CCDC167: variants seen among roughly 807,000 people sequenced by gnomAD.
CCDC167 encodes coiled-coil domain containing 167.
CCDC167 carries 15 observed loss-of-function variants against 12.7 expected under a neutral mutation model. The observed-to-expected ratio is 1.18, with a 90% CI of 0.79 to 1.81. CCDC167 has a LOEUF of 1.81. Among genes scored for constraint, CCDC167 ranks in the 40% most tolerant of loss-of-function variants. CCDC167 has a pLI of 0.00. For missense variants in CCDC167, 121 were observed against 120.1 expected, an observed-to-expected ratio of 1.01 and a Z score of -0.03; for synonymous variants, 52 against 49.0, an observed-to-expected ratio of 1.06 and a Z score of -0.26.
intron 1 of CCDC167, among the ~76,000 whole-genome samples, chr6:37,491,620 G>A (rs1218296823): frequency 1.3e-5 from 2 of 152,150 alleles, no homozygotes; most frequent in Non-Finnish European, 2.9e-5. Flanking sequence ...TAGCTGAGCC[G>A]AGCCAAGTCA....
At chr6:37,486,619 T>C (rs1266352982) in intron 1 of CCDC167, among the ~76,000 whole-genome samples, 1 of 152,112 alleles carries the variant, frequency 6.6e-6, no homozygotes, top group East Asian at 1.9e-4. Flanking sequence ...AGCAGGGCCC[T>C]GTGGGAGAGA....
In CCDC167 at chr6:37,483,044, G is replaced by C. The variant is rs1172994965; in HGVS notation, c.*142C>G. 1 of 745,086 alleles carries C rather than the reference G, an allele frequency of 1.3e-6. No homozygotes were observed. Among genetic ancestry groups the C allele is most frequent in the East Asian group, 2.7e-5 (1 of 36,586 alleles). The allele number at this position is 745,086 out of a possible 1,614,324, so 46.2% of individuals were successfully genotyped here. ...CAGCAGGCCAGGGAGGCAAGGCCTGGGCCGCCAGGAAGCCATGCTTGAACA... is the reference window on the plus strand; with the variant it reads ...CAGCAGGCCAGGGAGGCAAGGCCTGCGCCGCCAGGAAGCCATGCTTGAACA... On this transcript the variant is annotated 3_prime_UTR_variant, in exon 4 of 4. Coordinates refer to ENST00000373408, the MANE Select transcript of CCDC167 (RefSeq NM_138493.3).
chr6:37,483,200 A>G lies in CCDC167; in HGVS notation c.280T>C (p.Tyr94His), dbSNP rs775380039. 1 of 1,613,306 alleles carries G rather than the reference A, an allele frequency of 6.2e-7. No homozygotes were observed. Among genetic ancestry groups the G allele is most frequent in the Non-Finnish European group, 8.5e-7 (1 of 1,179,190 alleles). The stretch of plus-strand genomic sequence containing the variant: ...AAGTGCCAGGCTCACATGGTCCAGT[A>G]GGCATAGACGAGCGTCAGGAGGATA... ...IFILLTLVYA[Y>H]WTM The change falls in exon 4 of 4, where the codon TAC becomes CAC. Residue 94 changes from tyrosine to histidine, a missense_variant. By Grantham distance (83) the Tyr-to-His change is moderately conservative. Coordinates refer to ENST00000373408, the MANE Select transcript of CCDC167 (RefSeq NM_138493.3).
At chr6:37,493,993 C>T (rs1277911927) in intron 1 of CCDC167, among the ~76,000 whole-genome samples, 1 of 151,460 alleles carries the variant, frequency 6.6e-6, no homozygotes, top group Non-Finnish European at 1.5e-5. Context: ...CCTTCCGGTG[C>T]TCTTCCTGGC....
intron 1 of CCDC167, among the ~76,000 whole-genome samples, chr6:37,492,625 A>AC (rs1762037470): frequency 6.6e-6 from 1 of 152,230 alleles, no homozygotes; most frequent in Admixed American, 6.5e-5. Flanking sequence ...CCCCAGCAGT[A>AC]CCGAAGCCTT....
chr6:37,484,057 C>G (rs979106048), intron 3 of CCDC167, among the ~76,000 whole-genome samples: 1 of 152,208 alleles, frequency 6.6e-6, no homozygotes, highest in African/African-American at 2.4e-5. Flanking sequence ...TCTGGGCAGG[C>G]CAGACTGAGT....
chr6:37,499,802 A>AC lies in CCDC167; in HGVS notation c.42+19dup, dbSNP rs745783880. ...AGAAGGCAACTAACGAGGTGGCCCA[A>AC]CCCCCACTTTTCCCCTCACCTCTAG... On this transcript the variant is annotated intron_variant, in intron 1 of 3. Coordinates refer to ENST00000373408, the MANE Select transcript of CCDC167 (RefSeq NM_138493.3). The AC allele has an allele frequency of 6.2e-7, 1 of 1,612,950 alleles. No individual in the cohort carries two copies. Among genetic ancestry groups the AC allele is most frequent in the Non-Finnish European group, 8.5e-7 (1 of 1,179,556 alleles).
At chr6:37,483,369 A>G (rs1448809311) in intron 3 of CCDC167, 80 bp from the exon 4 acceptor site, 26 of 930,250 alleles carry the variant, frequency 2.8e-5, no homozygotes, top group Non-Finnish European at 4.4e-5. Flanking sequence ...ACGAGTGGGT[A>G]CACACTGCTG....
intron 3 of CCDC167, among the ~76,000 whole-genome samples, chr6:37,483,949 G>A (rs890089712): frequency 1.1e-4 from 17 of 152,322 alleles, no homozygotes; most frequent in Admixed American, 7.2e-4. Context: ...AAATTGAGTG[G>A]TGGTGTGGTT....
chr6:37,483,500 C>T (rs1055895943), intron 3 of CCDC167, among the ~76,000 whole-genome samples: 1 of 152,218 alleles, frequency 6.6e-6, no homozygotes, highest in Non-Finnish European at 1.5e-5. Flanking sequence ...GTCCCAACGC[C>T]CAGTGCTGCT....
chr6:37,483,854 AATC>A (rs1314644150), intron 3 of CCDC167, among the ~76,000 whole-genome samples: 9 of 152,132 alleles, frequency 5.9e-5, no homozygotes, highest in Non-Finnish European at 1.2e-4. Context: ...CTCTAGAGGA[AATC>A]AGTCCTGCTG....
At chr6:37,484,311 C>T (rs1403153221) in intron 3 of CCDC167, among the ~76,000 whole-genome samples, 9 of 152,234 alleles carry the variant, frequency 5.9e-5, no homozygotes, top group Admixed American at 5.9e-4. Flanking sequence ...AGCCTGCCAG[C>T]CGCCCTCTGG....
In CCDC167 at chr6:37,493,989, G is replaced by A. The variant is rs1000434788; in HGVS notation, c.42+5833C>T. On this transcript the variant is annotated intron_variant, in intron 1 of 3. Coordinates refer to ENST00000373408, the MANE Select transcript of CCDC167 (RefSeq NM_138493.3). ...AATAACCACAAGCGTCAAGCCTTCC[G>A]GTGCTCTTCCTGGCCTAGGCCATTC... 4.0e-5 allele frequency among the ~76,000 whole-genome samples: 6 copies of A among 151,576 alleles called. No homozygotes were observed. The East Asian group carries it at 7.8e-4, about 20-fold the overall frequency.
At chr6:37,485,975 G>T (rs1245461123) in intron 1 of CCDC167, among the ~76,000 whole-genome samples, 1 of 152,174 alleles carries the variant, frequency 6.6e-6, no homozygotes, top group Non-Finnish European at 1.5e-5. Context: ...ACTGGACTGG[G>T]TTGTCCAAAC....
chr6:37,486,462 C>A (rs981704779), intron 1 of CCDC167, among the ~76,000 whole-genome samples: 1 of 152,152 alleles, frequency 6.6e-6, no homozygotes, highest in Non-Finnish European at 1.5e-5. Flanking sequence ...TTCCAAGTCT[C>A]TGGGCCTTCT....
At chr6:37,489,185 G>A (rs1190396541) in intron 1 of CCDC167, among the ~76,000 whole-genome samples, 2 of 151,946 alleles carry the variant, frequency 1.3e-5, no homozygotes, top group South Asian at 2.1e-4. Context: ...GCAGTGAGCC[G>A]AGATGGCACC....
At chr6:37,497,533 TGGGGTCG>T (rs59580208) in intron 1 of CCDC167, among the ~76,000 whole-genome samples, 1 of 143,898 alleles carries the variant, frequency 6.9e-6, no homozygotes, top group Non-Finnish European at 1.5e-5. Context: ...GCCCTATGCT[TGGGGTCG>T]GGGGTCGGGG....
chr6:37,484,720 C>T, intron 3 of CCDC167, 90 bp downstream of exon 3: 1 of 1,489,172 alleles, frequency 6.7e-7, no homozygotes, highest in South Asian at 1.1e-5. Flanking sequence ...CCCTTGCTCC[C>T]TGCTGCCTTG....
At position 37,483,236 on chromosome 6, in the gene CCDC167, C is replaced by G; in HGVS notation, c.244G>C (p.Val82Leu). Reference protein sequence around the residue: ...QENRKNMLLSVAIFILLTLVY... With the variant: ...QENRKNMLLSLAIFILLTLVY... The stretch of plus-strand genomic sequence containing the variant: ...AGCGTCAGGAGGATAAAGATGGCCA[C>G]AGAGAGCAGCATGTTCTTCCGGTTC... Residue 82 changes from valine to leucine, a missense_variant, in exon 4 of 4, where the codon GTG becomes CTG. Physicochemically the swap from Val to Leu is conservative, Grantham distance 32 (BLOSUM62 1). Transcript: ENST00000373408. 2.5e-6 allele frequency: 4 copies of G among 1,614,184 alleles called. No homozygotes were observed. The highest frequency in any genetic ancestry group is 1.7e-5 in the Admixed American group (1 of 60,028).
Sources: allele counts gnomAD v4.1 joint callset (sites outside exome capture counted in the v4.1 genomes callset), GRCh38; gene constraint gnomAD v4.1.1; transcripts MANE v1.5; gene names NCBI Gene and HGNC (gene_info 2026-07-23, HGNC 2026-07-21).